The following DLC1 variants were observed in gnomAD, a reference collection of about 807,000 sequenced individuals.
DLC1 encodes DLC1 Rho GTPase activating protein, also known as rho GTPase-activating protein 7.
Under a neutral mutation model 140.3 loss-of-function variants are expected in DLC1, and 54 were observed. The observed-to-expected ratio is 0.38, with a 90% CI of 0.31 to 0.48. The LOEUF (loss-of-function observed/expected upper bound fraction) is 0.48, where lower values mean the gene tolerates loss of function less well. DLC1 is among the 20% of genes least tolerant of loss of function. The pLI is 0.96. For missense variants in DLC1, 2,536 were observed against 1,907.0 expected (o/e 1.33, Z -6.14); for synonymous variants, 986 against 728.1 (o/e 1.35, Z -5.70).
At chr8:13,585,138 A>G (rs951001656) in intron 1 of DLC1, among the ~76,000 whole-genome samples, 1 of 152,258 alleles carries the variant, frequency 6.6e-6, no homozygotes, top group Non-Finnish European at 1.5e-5. Flanking sequence ...AATATGTGTA[A>G]TACAATGTGG....
intron 1 of DLC1, among the ~76,000 whole-genome samples, chr8:13,572,547 A>C (rs1362801459): frequency 6.6e-6 from 1 of 152,158 alleles, no homozygotes; most frequent in East Asian, 1.9e-4. Context: ...CATATGTAAG[A>C]AATCATCACC....
At chr8:13,437,135 C>G (rs2116900757) in intron 2 of DLC1, among the ~76,000 whole-genome samples, 1 of 152,316 alleles carries the variant, frequency 6.6e-6, no homozygotes, top group East Asian at 1.9e-4. Flanking sequence ...CTGTCTTCCT[C>G]TGTCTACGCC....
intron 5 of DLC1, among the ~76,000 whole-genome samples, chr8:13,136,461 T>C (rs1822565232): frequency 6.6e-6 from 1 of 152,198 alleles, no homozygotes; most frequent in African/African-American, 2.4e-5. Context: ...TGTGTTAATA[T>C]GGTTAACATA....
At chr8:13,419,474 T>C (rs1331944567) in intron 2 of DLC1, among the ~76,000 whole-genome samples, 2 of 152,254 alleles carry the variant, frequency 1.3e-5, no homozygotes, top group African/African-American at 2.4e-5. Context: ...GAGATAATCA[T>C]GTGGTTTTTG....
chr8:13,184,768 T>C (rs1029309997), intron 5 of DLC1, among the ~76,000 whole-genome samples: 4 of 152,226 alleles, frequency 2.6e-5, no homozygotes, highest in Non-Finnish European at 5.9e-5. Flanking sequence ...GAAGAATGTA[T>C]ATTCTCTTGA....
In DLC1 at chr8:13,149,003, A is replaced by G. The variant is rs146546037; in HGVS notation, c.1349-33346T>C. On this transcript the variant is annotated intron_variant, in intron 5 of 17. Transcript: ENST00000276297. ...GAGACAGGGTTTCTCCGTGTTAGCCAGGACGGTCTCGATCTCCTGACCTCG... is the reference window on the plus strand; with the variant it reads ...GAGACAGGGTTTCTCCGTGTTAGCCGGGACGGTCTCGATCTCCTGACCTCG... Among the ~76,000 whole-genome samples, 23 of 152,240 alleles carry G rather than the reference A, an allele frequency of 1.5e-4. No homozygotes were observed. The East Asian group carries it at 4.5e-3, about 29-fold the overall frequency.
rs909419879 is a variant in DLC1, at chr8:13,086,558, G to A, written c.4293-95C>T. ...TCTTCACTATTTGCAGTGTGGTGAC[G>A]GGTCAGGCTCAGTGGCCATGCTGTG... is the stretch of plus-strand genomic sequence containing the variant. On this transcript the variant is annotated intron_variant, in intron 16 of 17. Transcript: ENST00000276297. 96 of 1,446,750 alleles carry A rather than the reference G, an allele frequency of 6.6e-5. No homozygotes were observed. In the Middle Eastern group the frequency reaches 7.2e-4, roughly 11 times the overall value. The allele number at this position is 1,446,750 out of a possible 1,614,324, so 89.6% of individuals were successfully genotyped here. A position where few individuals can be genotyped will look rare whatever the true frequency, so the allele number is the denominator to read the frequency against.
intron 5 of DLC1, 62 bp from the exon 6 acceptor site, chr8:13,115,719 T>C (rs748576382): frequency 1.3e-6 from 2 of 1,517,880 alleles, no homozygotes; most frequent in Non-Finnish European, 1.8e-6. Flanking sequence ...TTATTTTTCC[T>C]GAATAAGCTT....
chr8:13,474,075 C>A (rs541676285), intron 2 of DLC1, among the ~76,000 whole-genome samples: 1 of 152,280 alleles, frequency 6.6e-6, no homozygotes, highest in African/African-American at 2.4e-5. Context: ...CACAGGTCTT[C>A]ATGGCAGCCC....
At chr8:13,153,496 G>C (rs753587776) in intron 5 of DLC1, among the ~76,000 whole-genome samples, 1 of 152,198 alleles carries the variant, frequency 6.6e-6, no homozygotes, top group Non-Finnish European at 1.5e-5. Flanking sequence ...TGTGGAAAAC[G>C]ACCCAAACAG....
intron 2 of DLC1, among the ~76,000 whole-genome samples, chr8:13,452,075 A>G (rs1799089012): frequency 6.6e-6 from 1 of 152,072 alleles, no homozygotes; most frequent in African/African-American, 2.4e-5. Context: ...TTGACATCCA[A>G]TTTTATTTGA....
intron 5 of DLC1, among the ~76,000 whole-genome samples, chr8:13,165,551 T>C (rs1253839216): frequency 6.6e-6 from 1 of 152,224 alleles, no homozygotes; most frequent in African/African-American, 2.4e-5. Context: ...ATGCTGTTAG[T>C]GCTGAAGGCA....
At chr8:13,517,438 C>A (rs1802625289), upstream of DLC1, among the ~76,000 whole-genome samples, 1 of 152,130 alleles carries the variant, frequency 6.6e-6, no homozygotes, top group African/African-American at 2.4e-5. Context: ...ATTATGTTTT[C>A]TTCTATTAAT....
intron 4 of DLC1, among the ~76,000 whole-genome samples, chr8:13,331,559 A>G (rs1375489511): frequency 6.6e-6 from 1 of 152,142 alleles, no homozygotes; most frequent in African/African-American, 2.4e-5. Flanking sequence ...ATTTTGTCAC[A>G]TAGCTGAATT....
chr8:13,351,770 A>T (rs1834678310), intron 4 of DLC1, among the ~76,000 whole-genome samples: 1 of 152,272 alleles, frequency 6.6e-6, no homozygotes, highest in South Asian at 2.1e-4. Flanking sequence ...AAAAATAATA[A>T]TTCCCTGGAT....
chr8:13,512,378 A>T (rs1405920288), intron 1 of DLC1, among the ~76,000 whole-genome samples: 5 of 152,178 alleles, frequency 3.3e-5, no homozygotes, highest in Admixed American at 2.6e-4. Flanking sequence ...GTCATATATG[A>T]AGTATGATGC....
At chr8:13,256,817 C>A (rs1200740866) in intron 5 of DLC1, among the ~76,000 whole-genome samples, 3 of 150,328 alleles carry the variant, frequency 2.0e-5, no homozygotes, top group African/African-American at 7.4e-5. Context: ...TGCAGCAAAC[C>A]ACCATGGCAC....
At chr8:13,596,990 G>A (rs1243140365) in intron 1 of DLC1, among the ~76,000 whole-genome samples, 6 of 151,696 alleles carry the variant, frequency 4.0e-5, no homozygotes, top group East Asian at 1.9e-4. Context: ...TTCTATGTTC[G>A]TTTGTTTGAA....
At chr8:13,100,900 T>A in intron 8 of DLC1, 130 bp from the exon 9 acceptor site, 1 of 962,218 alleles carries the variant, frequency 1.0e-6, no homozygotes, top group Non-Finnish European at 1.4e-6. Context: ...ATTTTAATTT[T>A]AAAGTTTTTT....
Sources: allele counts gnomAD v4.1 joint callset (sites outside exome capture counted in the v4.1 genomes callset), GRCh38; gene constraint gnomAD v4.1.1; transcripts MANE v1.5; gene names NCBI Gene and HGNC (gene_info 2026-07-23, HGNC 2026-07-21).